GRID2: variants seen among roughly 807,000 people sequenced by gnomAD.
GRID2 encodes the protein glutamate ionotropic receptor delta type subunit 2.
Under a neutral mutation model 114.8 loss-of-function variants are expected in GRID2, and 33 were observed. The observed-to-expected ratio is 0.29, with a 90% CI of 0.22 to 0.38. The LOEUF (loss-of-function observed/expected upper bound fraction) is 0.38, where lower values mean the gene tolerates loss of function less well. Ranked by LOEUF, GRID2 falls within the 10% of genes least tolerant of loss-of-function variation. The probability of loss-of-function intolerance (pLI) is 1.00; values close to 1 mark genes in which losing one functional copy is unlikely to be tolerated. For synonymous variants in GRID2, 505 were observed against 449.9 expected (o/e 1.12, Z -1.55); for missense variants, 1,184 against 1,257.7 (o/e 0.94, Z 0.89).
chr4:93,478,866 T>C (rs1725581708), intron 11 of GRID2, among the ~76,000 whole-genome samples: 1 of 152,118 alleles, frequency 6.6e-6, no homozygotes, highest in Non-Finnish European at 1.5e-5. Context: ...TCATTTCAAT[T>C]ACATGATCTA....
intron 12 of GRID2, among the ~76,000 whole-genome samples, chr4:93,507,441 T>G (rs1274952682): frequency 1.8e-4 from 28 of 152,338 alleles, no homozygotes; most frequent in Non-Finnish European, 5.9e-5. Context: ...TATCTAAATA[T>G]TCAACCAAGA....
At chr4:92,376,102 TTATATA>T (rs1236494649) in intron 1 of GRID2, among the ~76,000 whole-genome samples, 2 of 151,612 alleles carry the variant, frequency 1.3e-5, no homozygotes, top group South Asian at 4.2e-4. Flanking sequence ...GGGGAAAAAA[TTATATA>T]TATATAAATT....
intron 1 of GRID2, among the ~76,000 whole-genome samples, chr4:92,581,198 CTTT>C (rs772006248): frequency 7.3e-6 from 1 of 137,862 alleles, no homozygotes; most frequent in Non-Finnish European, 1.6e-5. Flanking sequence ...TCCCCCCACC[CTTT>C]TTTTTTTTTT....
At chr4:92,540,642 A>G (rs1725891920) in intron 1 of GRID2, among the ~76,000 whole-genome samples, 1 of 152,160 alleles carries the variant, frequency 6.6e-6, no homozygotes, top group African/African-American at 2.4e-5. Flanking sequence ...GTCAGGAAAC[A>G]ACAGGTGCTG....
At chr4:92,710,589 T>A (rs1735198775) in intron 2 of GRID2, among the ~76,000 whole-genome samples, 1 of 152,250 alleles carries the variant, frequency 6.6e-6, no homozygotes, top group Admixed American at 6.5e-5. Context: ...TGGGCTACTG[T>A]ACTTCTGTGC....
At chr4:93,049,472 T>G (rs926485007) in intron 2 of GRID2, among the ~76,000 whole-genome samples, 2 of 151,980 alleles carry the variant, frequency 1.3e-5, no homozygotes, top group Admixed American at 6.6e-5. Context: ...GATTTGAACT[T>G]CATTAGTTTA....
chr4:92,404,954 AGGTGCAGC>A (rs1730956038), intron 1 of GRID2, among the ~76,000 whole-genome samples: 1 of 152,178 alleles, frequency 6.6e-6, no homozygotes, highest in African/African-American at 2.4e-5. Context: ...ATGGGTTGAT[AGGTGCAGC>A]GTACCACCAT....
intron 8 of GRID2, among the ~76,000 whole-genome samples, chr4:93,283,483 C>T (rs1459254023): frequency 1.2e-4 from 18 of 151,958 alleles, no homozygotes; most frequent in Non-Finnish European, 2.6e-4. Flanking sequence ...TTCCTGAATA[C>T]ACAACCCAGA....
At position 93,426,205 on chromosome 4, in the gene GRID2, G is replaced by A. The variant is rs551338479; in HGVS notation, c.1545+3237G>A. Among the ~76,000 whole-genome samples, 9 of 152,236 alleles carry A rather than the reference G, an allele frequency of 5.9e-5. No homozygotes were observed. In the East Asian group the frequency reaches 1.4e-3, roughly 23 times the overall value. On this transcript the variant is annotated intron_variant, in intron 10 of 15. Coordinates refer to ENST00000282020, the MANE Select transcript of GRID2 (RefSeq NM_001510.4). ...TAATACATAAGTTACATATAGAATT[G>A]TATTGGAAAGCATTAATATCGTTAT...
intron 1 of GRID2, among the ~76,000 whole-genome samples, chr4:92,402,218 AT>A (rs920199244): frequency 2.0e-5 from 3 of 152,124 alleles, no homozygotes; most frequent in African/African-American, 7.2e-5. Flanking sequence ...CCTTCACCGA[AT>A]TCTTGAATCT....
intron 1 of GRID2, among the ~76,000 whole-genome samples, chr4:92,378,832 T>G (rs1729478573): frequency 6.6e-6 from 1 of 152,058 alleles, no homozygotes. Context: ...AATGCTGTCT[T>G]ATGATTTTGC....
At chr4:93,526,899 T>G (rs1275157944) in intron 13 of GRID2, among the ~76,000 whole-genome samples, 1 of 152,232 alleles carries the variant, frequency 6.6e-6, no homozygotes. Context: ...TGAATACAAT[T>G]TTTGTTTAAT....
chr4:93,727,039 A>G (rs1436272621), intron 14 of GRID2, among the ~76,000 whole-genome samples: 1 of 152,160 alleles, frequency 6.6e-6, no homozygotes, highest in Non-Finnish European at 1.5e-5. Context: ...AGGAGTGGCG[A>G]GAGAGGGCAT....
chr4:93,495,344 T>C (rs1727422480), intron 12 of GRID2, among the ~76,000 whole-genome samples: 1 of 151,776 alleles, frequency 6.6e-6, no homozygotes, highest in South Asian at 2.1e-4. Context: ...TTGGTCTACA[T>C]TTTGAAAAGA....
chr4:93,433,727 G>C (rs1720801966), intron 10 of GRID2, among the ~76,000 whole-genome samples: 1 of 152,160 alleles, frequency 6.6e-6, no homozygotes, highest in Non-Finnish European at 1.5e-5. Flanking sequence ...AGTAGCTAAT[G>C]TCAATAGAAC....
At chr4:93,581,256 A>G (rs1736958451) in intron 13 of GRID2, among the ~76,000 whole-genome samples, 1 of 152,040 alleles carries the variant, frequency 6.6e-6, no homozygotes, top group Non-Finnish European at 1.5e-5. Flanking sequence ...ATAGAGGTGA[A>G]AGGAGAATAT....
rs181056823 is a variant in GRID2 at position 92,466,694 on chromosome 4, G to T, written c.89-123437G>T. On this transcript the variant is annotated intron_variant, in intron 1 of 15. Coordinates refer to ENST00000282020, the MANE Select transcript of GRID2 (RefSeq NM_001510.4). ...TAATTCATTCTCCATTCTCTATATT[G>T]TACTTACCTATGACACAGTTATTTA... Among the ~76,000 whole-genome samples the T allele has an allele frequency of 8.1e-5, 12 of 148,734 alleles. No homozygotes were observed. The East Asian group carries it at 2.1e-3, about 26-fold the overall frequency.
intron 8 of GRID2, among the ~76,000 whole-genome samples, chr4:93,299,370 G>A (rs1207180921): frequency 6.6e-6 from 1 of 151,978 alleles, no homozygotes; most frequent in African/African-American, 2.4e-5. Context: ...GCTGTTTTAG[G>A]TTTCACTTTA....
At chr4:93,348,501 G>C (rs1760465538) in intron 8 of GRID2, among the ~76,000 whole-genome samples, 1 of 152,158 alleles carries the variant, frequency 6.6e-6, no homozygotes, top group African/African-American at 2.4e-5. Context: ...CCGAAGCAAA[G>C]TGTTTAAATC....
Sources: allele counts gnomAD v4.1 joint callset (sites outside exome capture counted in the v4.1 genomes callset), GRCh38; gene constraint gnomAD v4.1.1; transcripts MANE v1.5; gene names NCBI Gene and HGNC (gene_info 2026-07-23, HGNC 2026-07-21).